The following GRIA1 variants were observed in gnomAD, a reference collection of about 807,000 sequenced individuals.
GRIA1 encodes glutamate ionotropic receptor AMPA type subunit 1, also known as glutamate receptor 1.
GRIA1 carries 31 observed loss-of-function variants against 99.2 expected under a neutral mutation model. The ratio of observed to expected loss-of-function variants is 0.31; its 90% CI spans 0.23 to 0.42. The LOEUF (loss-of-function observed/expected upper bound fraction) is 0.42. Among genes scored for constraint, GRIA1 ranks in the 10% least tolerant of loss-of-function variants. The pLI is 1.00. For missense variants in GRIA1, 782 were observed against 1,157.5 expected, an observed-to-expected ratio of 0.68 and a Z score of 4.71; for synonymous variants, 438 against 432.4, an observed-to-expected ratio of 1.01 and a Z score of -0.16.
intron 11 of GRIA1, among the ~76,000 whole-genome samples, chr5:153,754,331 TC>T (rs749980600): frequency 3.8e-4 from 58 of 152,306 alleles, no homozygotes; most frequent in Non-Finnish European, 8.1e-4. Flanking sequence ...TTGAACTTCT[TC>T]CCCTAGCTCT....
At chr5:153,512,299 C>T (rs562163575) in intron 2 of GRIA1, among the ~76,000 whole-genome samples, 2 of 152,164 alleles carry the variant, frequency 1.3e-5, no homozygotes, top group South Asian at 2.1e-4. Context: ...ACTTTACACG[C>T]AGGTAATAGG....
rs538261574 is a variant in GRIA1, at chr5:153,610,601, G to A, written c.221-36327G>A. Among the ~76,000 whole-genome samples, 12 of 152,300 alleles carry A rather than the reference G, an allele frequency of 7.9e-5. No homozygotes were observed. In the South Asian group the frequency reaches 1.2e-3, roughly 16 times the overall value. On this transcript the variant is annotated intron_variant, in intron 2 of 15. Coordinates refer to ENST00000285900, the MANE Select transcript of GRIA1 (RefSeq NM_000827.4). ...GGGCTTCCCCTAATTGTGGTCGAGAGTGTAGTCTCCAGAGTCAAGATGCCT... is the reference window on the plus strand; with the variant it reads ...GGGCTTCCCCTAATTGTGGTCGAGAATGTAGTCTCCAGAGTCAAGATGCCT...
At chr5:153,746,460 T>C (rs1762165321) in intron 11 of GRIA1, among the ~76,000 whole-genome samples, 1 of 152,182 alleles carries the variant, frequency 6.6e-6, no homozygotes, top group Non-Finnish European at 1.5e-5. Context: ...TGCTTATGGG[T>C]CGGGGTATAT....
In GRIA1 at chr5:153,490,918, C is replaced by T. The variant is rs775737542; in HGVS notation, c.30C>T (p.Thr10=). Residue 10 remains threonine, a synonymous_variant, in exon 1 of 16, where the codon ACC becomes ACT. Transcript: ENST00000285900. Reference sequence around the variant, plus strand: ...AGCACATTTTTGCCTTCTTCTGCACCGGTTTCCTAGGCGCGGTAGTAGGTG... The same window carrying T: ...AGCACATTTTTGCCTTCTTCTGCACTGGTTTCCTAGGCGCGGTAGTAGGTG... MQHIFAFFC[T]GFLGAVVGAN... is the part of the protein sequence containing the mutation. 5 of 1,614,092 alleles carry T rather than the reference C, an allele frequency of 3.1e-6. No individual in the cohort carries two copies. The highest frequency in any genetic ancestry group is 2.2e-5 in the East Asian group (1 of 44,878).
chr5:153,649,317 G>T (rs1423931899), intron 3 of GRIA1, among the ~76,000 whole-genome samples: 1 of 152,150 alleles, frequency 6.6e-6, no homozygotes, highest in Admixed American at 6.5e-5. Context: ...GCAGCAGTAG[G>T]AAACTAATAC....
chr5:153,584,276 CAT>C (rs938664459), intron 2 of GRIA1, among the ~76,000 whole-genome samples: 4 of 152,172 alleles, frequency 2.6e-5, no homozygotes, highest in Non-Finnish European at 5.9e-5. Context: ...AGAACACTAA[CAT>C]GTGGTATATA....
intron 2 of GRIA1, among the ~76,000 whole-genome samples, chr5:153,605,906 CT>C (rs1259944896): frequency 1.6e-4 from 24 of 152,146 alleles, no homozygotes; most frequent in Admixed American, 1.4e-3. Context: ...CATTTTCACT[CT>C]CTTAATGGTA....
At chr5:153,508,653 T>C (rs1581148552) in intron 2 of GRIA1, among the ~76,000 whole-genome samples, 1 of 152,332 alleles carries the variant, frequency 6.6e-6, no homozygotes, top group East Asian at 1.9e-4. Context: ...TGATTTAATT[T>C]TCAAAAGATT....
At chr5:153,614,150 C>T (rs1297443371) in intron 2 of GRIA1, among the ~76,000 whole-genome samples, 2 of 152,220 alleles carry the variant, frequency 1.3e-5, no homozygotes, top group African/African-American at 4.8e-5. Flanking sequence ...CACACCATAC[C>T]ACCCTCTCCT....
chr5:153,568,501 T>A (rs1286092545), intron 2 of GRIA1, among the ~76,000 whole-genome samples: 1 of 152,204 alleles, frequency 6.6e-6, no homozygotes, highest in African/African-American at 2.4e-5. Context: ...AAATGGTTTT[T>A]TTTAATGGGC....
intron 2 of GRIA1, among the ~76,000 whole-genome samples, chr5:153,507,641 T>C (rs889928816): frequency 3.3e-5 from 5 of 152,222 alleles, no homozygotes; most frequent in Admixed American, 2.6e-4. Context: ...CTTTTCCCAC[T>C]GGATTATGGC....
chr5:153,662,632 G>A (rs76690853), intron 5 of GRIA1, among the ~76,000 whole-genome samples: 27 of 152,220 alleles, frequency 1.8e-4, no homozygotes, highest in African/African-American at 5.5e-4. Context: ...CTCACCCGGC[G>A]CCTCATTTTA....
chr5:153,575,739 T>C (rs1762476255), intron 2 of GRIA1, among the ~76,000 whole-genome samples: 1 of 152,222 alleles, frequency 6.6e-6, no homozygotes, highest in Non-Finnish European at 1.5e-5. Flanking sequence ...GACTTTCTGA[T>C]GTTCCCCAAA....
chr5:153,764,389 C>A, intron 11 of GRIA1, 45 bp from the exon 12 acceptor site: 2 of 1,482,248 alleles, frequency 1.3e-6, no homozygotes, highest in Non-Finnish European at 1.9e-6. Flanking sequence ...GAGCTTTCCA[C>A]AGTTGATGTC....
Position 153,555,578 on chromosome 5 carries a change from T to TAAGACCAGG in GRIA1, c.220+61513_220+61514insAAGACCAGG, listed in dbSNP as rs1262055561. 2.0e-3 allele frequency among the ~76,000 whole-genome samples: 299 copies of TAAGACCAGG among 152,274 alleles called. 1 individual carries two copies. Among genetic ancestry groups the TAAGACCAGG allele is most frequent in the African/African-American group, 7.0e-3 (289 of 41,556 alleles). On this transcript the variant is annotated intron_variant, in intron 2 of 15. Transcript: ENST00000285900. ...CTTCCTTATTCCACTAAGACTCACTTGCAACGCAAAGACCAGGGCCTCATG... is the reference window on the plus strand; with the variant it reads ...CTTCCTTATTCCACTAAGACTCACTTAAGACCAGGGCAACGCAAAGACCAGGGCCTCATG...
At chr5:153,693,998 C>T (rs1757931948) in intron 8 of GRIA1, among the ~76,000 whole-genome samples, 1 of 152,194 alleles carries the variant, frequency 6.6e-6, no homozygotes, top group South Asian at 2.1e-4. Context: ...TCACTCAGCC[C>T]ACTGACCCTG....
intron 2 of GRIA1, among the ~76,000 whole-genome samples, chr5:153,544,241 G>A (rs1013721882): frequency 6.6e-6 from 1 of 152,186 alleles, no homozygotes; most frequent in African/African-American, 2.4e-5. Flanking sequence ...ACCTCCTCTG[G>A]TGGGGTCTCT....
intron 2 of GRIA1, among the ~76,000 whole-genome samples, chr5:153,570,272 G>A (rs1230379407): frequency 6.6e-6 from 1 of 152,032 alleles, no homozygotes; most frequent in African/African-American, 2.4e-5. Flanking sequence ...GATTATATCT[G>A]GGAGAGAAAT....
At chr5:153,766,854 G>A (rs913909159) in intron 12 of GRIA1, among the ~76,000 whole-genome samples, 10 of 152,162 alleles carry the variant, frequency 6.6e-5, no homozygotes, top group Admixed American at 2.0e-4. Context: ...TAATCACTAC[G>A]TCAGTTGACA....
Sources: allele counts gnomAD v4.1 joint callset (sites outside exome capture counted in the v4.1 genomes callset), GRCh38; gene constraint gnomAD v4.1.1; transcripts MANE v1.5; gene names NCBI Gene and HGNC (gene_info 2026-07-23, HGNC 2026-07-21).